PRKCE: variants seen among roughly 807,000 people sequenced by gnomAD.
PRKCE encodes protein kinase C epsilon type.
Under a neutral mutation model 85.4 loss-of-function variants are expected in PRKCE, and 16 were observed. The ratio of observed to expected loss-of-function variants is 0.19; its 90% confidence interval spans 0.13 to 0.28. The LOEUF is 0.28. PRKCE is among the 10% of genes least tolerant of loss of function. The probability of loss-of-function intolerance (pLI) is 1.00; values close to 1 mark genes in which losing one functional copy is unlikely to be tolerated. For missense variants in PRKCE, 573 were observed against 975.2 expected, an observed-to-expected ratio of 0.59 and a Z score of 5.49; for synonymous variants, 388 against 371.5, an observed-to-expected ratio of 1.04 and a Z score of -0.51.
intron 2 of PRKCE, among the ~76,000 whole-genome samples, chr2:45,855,095 C>A (rs1393346803): frequency 6.6e-6 from 1 of 151,588 alleles, no homozygotes; most frequent in Non-Finnish European, 1.5e-5. Flanking sequence ...TGGATAATTG[C>A]AGTTCTTTTT....
chr2:45,750,479 C>G (rs188165451), intron 1 of PRKCE, among the ~76,000 whole-genome samples: 40 of 151,670 alleles, frequency 2.6e-4, no homozygotes, highest in Admixed American at 2.6e-3. Context: ...GAGCTGTGCC[C>G]CTGCATAGGG....
intron 14 of PRKCE, among the ~76,000 whole-genome samples, chr2:46,165,214 G>A (rs1008441243): frequency 2.6e-4 from 40 of 152,194 alleles, no homozygotes; most frequent in African/African-American, 6.8e-4. Flanking sequence ...AGACTTTCCT[G>A]TCTTTCGTTC....
chr2:45,715,496 C>G (rs904373770), intron 1 of PRKCE, among the ~76,000 whole-genome samples: 11 of 152,202 alleles, frequency 7.2e-5, no homozygotes, highest in Admixed American at 3.9e-4. Context: ...AATCCCTCCC[C>G]TCTTGCTTCC....
intron 10 of PRKCE, among the ~76,000 whole-genome samples, chr2:46,021,187 T>C (rs986773908): frequency 6.6e-6 from 1 of 152,202 alleles, no homozygotes; most frequent in South Asian, 2.1e-4. Context: ...GTCCTGCTGC[T>C]GTTGCAGGCT....
intron 5 of PRKCE, among the ~76,000 whole-genome samples, chr2:45,982,517 C>G (rs1702976460): frequency 1.3e-5 from 2 of 152,212 alleles, no homozygotes; most frequent in African/African-American, 4.8e-5. Context: ...GGTGTGGTAA[C>G]CAAACAATGT....
chr2:46,010,563 A>T, intron 10 of PRKCE, 46 bp downstream of exon 10: 1 of 1,597,832 alleles, frequency 6.3e-7, no homozygotes, highest in Non-Finnish European at 8.5e-7. Context: ...GGGCATCTTG[A>T]CTATCAGATA....
intron 2 of PRKCE, among the ~76,000 whole-genome samples, chr2:45,957,778 G>A (rs1045897161): frequency 2.0e-5 from 3 of 152,194 alleles, no homozygotes; most frequent in Non-Finnish European, 2.9e-5. Context: ...AGGGCATGGT[G>A]GCACACTCCT....
chr2:45,991,535 TACTAGA>T (rs1286294853), intron 6 of PRKCE, among the ~76,000 whole-genome samples: 1 of 152,234 alleles, frequency 6.6e-6, no homozygotes, highest in Non-Finnish European at 1.5e-5. Context: ...CTACTTTACT[TACTAGA>T]AAGAGTCCAC....
At chr2:46,175,507 A>C (rs937054228) in intron 14 of PRKCE, among the ~76,000 whole-genome samples, 22 of 152,342 alleles carry the variant, frequency 1.4e-4, no homozygotes, top group African/African-American at 5.1e-4. Context: ...CCTCATAACA[A>C]ATATATGGGA....
chr2:45,683,367 T>A (rs997318206), intron 1 of PRKCE, among the ~76,000 whole-genome samples: 6 of 152,214 alleles, frequency 3.9e-5, no homozygotes, highest in Admixed American at 3.9e-4. Context: ...ATGTGAGACA[T>A]CTTTCTTTGG....
At chr2:45,884,762 G>A (rs1010589755) in intron 2 of PRKCE, among the ~76,000 whole-genome samples, 1 of 151,494 alleles carries the variant, frequency 6.6e-6, no homozygotes, top group Non-Finnish European at 1.5e-5. Context: ...ATACTTGCTC[G>A]TTGTAAAAAC....
intron 1 of PRKCE, among the ~76,000 whole-genome samples, chr2:45,788,098 G>C (rs1225773283): frequency 6.6e-6 from 1 of 152,166 alleles, no homozygotes; most frequent in African/African-American, 2.4e-5. Flanking sequence ...ATTTCTTCCT[G>C]GTCAAGCCGA....
intron 1 of PRKCE, among the ~76,000 whole-genome samples, chr2:45,691,760 C>G (rs1677745483): frequency 6.6e-6 from 1 of 152,158 alleles, no homozygotes. Flanking sequence ...GAGCCCTGTG[C>G]TAATGAGTAC....
chr2:45,722,398 G>C, intron 1 of PRKCE, among the ~76,000 whole-genome samples: 1 of 152,018 alleles, frequency 6.6e-6, no homozygotes, highest in African/African-American at 2.4e-5. Context: ...GAGAGTGAAA[G>C]TGACAAAAAA....
chr2:45,833,937 A>G (rs1204391485), intron 1 of PRKCE, among the ~76,000 whole-genome samples: 1 of 152,220 alleles, frequency 6.6e-6, no homozygotes, highest in Non-Finnish European at 1.5e-5. Context: ...CTGTGAGCAG[A>G]TGATGCTCTG....
intron 2 of PRKCE, among the ~76,000 whole-genome samples, chr2:45,927,229 G>A (rs1386262863): frequency 2.0e-5 from 3 of 152,164 alleles, no homozygotes; most frequent in Admixed American, 6.5e-5. Flanking sequence ...TCAGAGAAGA[G>A]GGAGGTGAAA....
intron 8 of PRKCE, among the ~76,000 whole-genome samples, chr2:46,006,460 G>A (rs183925849): frequency 6.1e-5 from 9 of 148,392 alleles, no homozygotes; most frequent in East Asian, 2.1e-4. Context: ...AAAGATCTCC[G>A]GATTCCTTGA....
intron 1 of PRKCE, among the ~76,000 whole-genome samples, chr2:45,754,292 G>A (rs1271503630): frequency 1.3e-5 from 2 of 152,212 alleles, no homozygotes; most frequent in African/African-American, 4.8e-5. Flanking sequence ...AGGAGGCCAG[G>A]CATGTGACTT....
At chr2:45,897,563 G>A (rs995984388) in intron 2 of PRKCE, among the ~76,000 whole-genome samples, 1 of 152,166 alleles carries the variant, frequency 6.6e-6, no homozygotes. Flanking sequence ...CTTTAGTGGG[G>A]TAAAAGGCAC....
Sources: allele counts gnomAD v4.1 joint callset (sites outside exome capture counted in the v4.1 genomes callset), GRCh38; gene constraint gnomAD v4.1.1; transcripts MANE v1.5; gene names NCBI Gene and HGNC (gene_info 2026-07-23, HGNC 2026-07-21).